The following TBC1D1 variants were observed in gnomAD, a reference collection of about 807,000 sequenced individuals.
TBC1D1 encodes the protein TBC1 (tre-2/USP6, BUB2, cdc16) domain family, member 1.
A neutral mutation model predicts 125.6 loss-of-function variants in TBC1D1; 89 were observed. The ratio of observed to expected loss-of-function variants is 0.71; its 90% CI spans 0.60 to 0.85. The LOEUF is 0.85. Among genes scored for constraint, TBC1D1 ranks in the 40% least tolerant of loss-of-function variants. TBC1D1 has a pLI of 0.00. For synonymous variants in TBC1D1, 565 were observed against 564.1 expected (o/e 1.00, Z -0.02); for missense variants, 1,377 against 1,469.2 (o/e 0.94, Z 1.03).
rs562210009 is a variant in TBC1D1, at chr4:37,905,886, G to A, written c.417+3374G>A. On this transcript the variant is annotated intron_variant, in intron 2 of 19. Transcript: ENST00000261439. ...ATGCTTCAGGATCTTGATCCCACCCGTTTAAAATTTCCATTAGAAACTCTG... is the reference window on the plus strand; with the variant it reads ...ATGCTTCAGGATCTTGATCCCACCCATTTAAAATTTCCATTAGAAACTCTG... 6.7e-4 allele frequency among the ~76,000 whole-genome samples: 102 copies of A among 152,182 alleles called. 1 individual carries two copies. The highest frequency in any genetic ancestry group is 6.8e-3 in the Middle Eastern group (2 of 294).
At chr4:38,063,470 T>G (rs1753126930) in intron 12 of TBC1D1, among the ~76,000 whole-genome samples, 1 of 152,090 alleles carries the variant, frequency 6.6e-6, no homozygotes. Context: ...GGAGGGAGTT[T>G]TTTTAGAAGG....
chr4:38,130,219 G>A (rs1578861024), intron 18 of TBC1D1, among the ~76,000 whole-genome samples: 2 of 152,180 alleles, frequency 1.3e-5, no homozygotes, highest in Non-Finnish European at 2.9e-5. Context: ...TTGATACAAT[G>A]TTAAGTAAAG....
chr4:38,105,495 A>G (rs1282727389), intron 15 of TBC1D1, among the ~76,000 whole-genome samples: 1 of 151,994 alleles, frequency 6.6e-6, no homozygotes, highest in African/African-American at 2.4e-5. Flanking sequence ...ACAAAGGTGT[A>G]TTGTGTGATG....
At chr4:38,094,154 T>C (rs1446735434) in intron 13 of TBC1D1, among the ~76,000 whole-genome samples, 2 of 152,100 alleles carry the variant, frequency 1.3e-5, no homozygotes, top group African/African-American at 2.4e-5. Flanking sequence ...CCTATTAGCT[T>C]TCCATTCTGA....
chr4:37,996,205 G>T (rs1302218652), intron 2 of TBC1D1: 7 of 312,668 alleles, frequency 2.2e-5, no homozygotes, highest in South Asian at 1.9e-4. Context: ...AGGCTTGGCC[G>T]TGCAGCTTCA....
intron 2 of TBC1D1, among the ~76,000 whole-genome samples, chr4:37,949,922 AG>A (rs1553904478): frequency 1.3e-5 from 2 of 152,158 alleles, no homozygotes; most frequent in Non-Finnish European, 2.9e-5. Flanking sequence ...ATTTCTTAGA[AG>A]ATTCCTAACG....
intron 12 of TBC1D1, among the ~76,000 whole-genome samples, chr4:38,056,729 G>A (rs1421148754): frequency 6.6e-6 from 1 of 152,138 alleles, no homozygotes; most frequent in East Asian, 1.9e-4. Context: ...GATTACTTGA[G>A]CCCAGGAGTT....
rs528181781 is a variant in TBC1D1 at position 38,080,122 on chromosome 4, T to C, written c.2051-9810T>C. 1.8e-4 allele frequency among the ~76,000 whole-genome samples: 27 copies of C among 152,332 alleles called. No individual in the cohort carries two copies. In the South Asian group the frequency reaches 3.7e-3, roughly 21 times the overall value. On this transcript the variant is annotated intron_variant, in intron 12 of 19. Transcript: ENST00000261439. ...GACCACATTTTGAGAACTTCTCCCG[T>C]AGACTGAACTCATGGTCTAGGTTCT...
chr4:37,901,891 T>C, intron 1 of TBC1D1, 112 bp from the exon 2 acceptor site: 1 of 509,576 alleles, frequency 2.0e-6, no homozygotes, highest in Non-Finnish European at 3.4e-6. Flanking sequence ...TATTTGAACC[T>C]CTTATTATAT....
At chr4:37,967,287 G>A (rs929913952) in intron 2 of TBC1D1, among the ~76,000 whole-genome samples, 2 of 152,134 alleles carry the variant, frequency 1.3e-5, no homozygotes, top group African/African-American at 4.8e-5. Flanking sequence ...CTGGGGTCAG[G>A]AGTTCAAGAC....
chr4:38,129,949 G>A lies in TBC1D1; in HGVS notation c.3133-3135G>A, dbSNP rs1352254786. Among the ~76,000 whole-genome samples the A allele has an allele frequency of 6.6e-5, 10 of 152,264 alleles. No homozygotes were observed. In the South Asian group the frequency reaches 1.9e-3, roughly 28 times the overall value. On this transcript the variant is annotated intron_variant, in intron 18 of 19. Coordinates refer to ENST00000261439, the MANE Select transcript of TBC1D1 (RefSeq NM_015173.4). ...AGTGGCTGTTGGGAGACAATTTGGC[G>A]AAACATATCCCAAGCCAGTAAAATA...
At chr4:38,032,133 A>G (rs530214596) in intron 7 of TBC1D1, among the ~76,000 whole-genome samples, 22 of 152,330 alleles carry the variant, frequency 1.4e-4, no homozygotes, top group African/African-American at 5.1e-4. Context: ...AGCCTGGCCA[A>G]CATGGCGAAA....
At chr4:38,052,983 CT>C in intron 11 of TBC1D1, 122 bp from the exon 13 acceptor site, 3 of 630,848 alleles carry the variant, frequency 4.8e-6, no homozygotes, top group Non-Finnish European at 4.7e-6. Flanking sequence ...CTTTTAATTT[CT>C]TACCTAGTTT....
intron 2 of TBC1D1, among the ~76,000 whole-genome samples, chr4:37,935,996 A>G (rs1724311794): frequency 6.6e-6 from 1 of 152,272 alleles, no homozygotes; most frequent in East Asian, 1.9e-4. Flanking sequence ...TTCCCCCAGG[A>G]GGCCTTCTCT....
chr4:37,948,661 C>T (rs982478137), intron 2 of TBC1D1, among the ~76,000 whole-genome samples: 1 of 151,798 alleles, frequency 6.6e-6, no homozygotes, highest in Non-Finnish European at 1.5e-5. Context: ...TTGAAGTATA[C>T]AGTTCAGTGG....
chr4:37,980,391 A>G (rs1480333246), intron 2 of TBC1D1, among the ~76,000 whole-genome samples: 1 of 152,170 alleles, frequency 6.6e-6, no homozygotes, highest in African/African-American at 2.4e-5. Context: ...TGAACTTCTC[A>G]AGCTTTGTGA....
chr4:38,106,722 A>G (rs928440562), intron 15 of TBC1D1, among the ~76,000 whole-genome samples: 3 of 152,152 alleles, frequency 2.0e-5, no homozygotes, highest in Non-Finnish European at 1.5e-5. Context: ...GGACACGATC[A>G]GCCCCTGCTT....
At chr4:38,098,992 A>AT (rs1759839892) in intron 14 of TBC1D1, among the ~76,000 whole-genome samples, 1 of 152,226 alleles carries the variant, frequency 6.6e-6, no homozygotes, top group Non-Finnish European at 1.5e-5. Context: ...ACACATCAAA[A>AT]TGATTTCTCT....
chr4:37,965,802 G>A (rs1418710993), intron 2 of TBC1D1, among the ~76,000 whole-genome samples: 2 of 151,946 alleles, frequency 1.3e-5, no homozygotes, highest in African/African-American at 4.8e-5. Context: ...CAAGGCTGGA[G>A]TACAGTGGCA....
Sources: allele counts gnomAD v4.1 joint callset (sites outside exome capture counted in the v4.1 genomes callset), GRCh38; gene constraint gnomAD v4.1.1; transcripts MANE v1.5; gene names NCBI Gene and HGNC (gene_info 2026-07-23, HGNC 2026-07-21).